The following GRID1 variants were observed in gnomAD, a reference collection of about 807,000 sequenced individuals.
The protein encoded by GRID1 is glutamate receptor ionotropic, delta-1.
Under a neutral mutation model 98.0 loss-of-function variants are expected in GRID1, and 28 were observed. That is an observed-to-expected ratio of 0.29 (90% CI 0.21 to 0.39). The LOEUF is 0.39. GRID1 is among the 10% of genes least tolerant of loss of function. The pLI, the probability that GRID1 is intolerant of heterozygous loss-of-function variation, is 1.00. For synonymous variants in GRID1, 553 were observed against 538.5 expected (o/e 1.03, Z -0.37); for missense variants, 1,111 against 1,340.5 (o/e 0.83, Z 2.67).
intron 4 of GRID1, among the ~76,000 whole-genome samples, chr10:85,992,186 A>C (rs1842688538): frequency 6.6e-6 from 1 of 152,080 alleles, no homozygotes; most frequent in Non-Finnish European, 1.5e-5. Context: ...GGTTGAAAGG[A>C]GAAGACAAAG....
Position 85,833,319 on chromosome 10 carries a change from G to A in GRID1, c.1233+21177C>T, listed in dbSNP as rs1407189667. On this transcript the variant is annotated intron_variant, in intron 8 of 15. Coordinates refer to ENST00000327946, the MANE Select transcript of GRID1 (RefSeq NM_017551.3). ...CATTCTTCAACTACAGAAACCAGGCGGCCCAGCCTGGAAAATCCCTGTCAT... is the reference window on the plus strand; with the variant it reads ...CATTCTTCAACTACAGAAACCAGGCAGCCCAGCCTGGAAAATCCCTGTCAT... Among the ~76,000 whole-genome samples, 9 of 152,140 alleles carry A rather than the reference G, an allele frequency of 5.9e-5. No individual in the cohort carries two copies. The South Asian group carries it at 6.2e-4, about 11-fold the overall frequency.
In GRID1 at chr10:86,158,345, T is replaced by G. The variant is rs180746999; in HGVS notation, c.521-19321A>C. ...TCCATTACAGGGCTATTGTGAGAAT[T>G]AAAGGCCAGGTATTTGTGGAGGTGC... On this transcript the variant is annotated intron_variant, in intron 3 of 15. Transcript: ENST00000327946. Among the ~76,000 whole-genome samples, 510 of 152,322 alleles carry G rather than the reference T, an allele frequency of 3.3e-3. 1 individual carries two copies. Among genetic ancestry groups the G allele is most frequent in the African/African-American group, 0.012 (485 of 41,566 alleles).
At chr10:86,263,314 G>A (rs1847047766) in intron 2 of GRID1, among the ~76,000 whole-genome samples, 1 of 152,270 alleles carries the variant, frequency 6.6e-6, no homozygotes, top group Non-Finnish European at 1.5e-5. Context: ...GCGCAACGTT[G>A]CCATTGTAAA....
At position 86,110,130 on chromosome 10, in the gene GRID1, G is replaced by A. The variant is rs553382740; in HGVS notation, c.726+28689C>T. Among the ~76,000 whole-genome samples, 23 of 152,070 alleles carry A rather than the reference G, an allele frequency of 1.5e-4. No individual in the cohort carries two copies. In the East Asian group the frequency reaches 1.9e-3, roughly 13 times the overall value. On this transcript the variant is annotated intron_variant, in intron 4 of 15. Transcript: ENST00000327946. ...TGGGATTACAGGCACGTGCCACCAC[G>A]CCTGGCTAATTTTTTATATTTTTAG...
chr10:86,296,662 C>T (rs925359162), intron 2 of GRID1, among the ~76,000 whole-genome samples: 1 of 152,082 alleles, frequency 6.6e-6, no homozygotes, highest in Non-Finnish European at 1.5e-5. Flanking sequence ...TCGCTCGAAC[C>T]CGAGAGACAG....
Position 86,343,092 on chromosome 10 carries a change from C to T in GRID1, c.235+20849G>A, listed in dbSNP as rs548498629. ...TCTCTGCTGATAGCACTCTCCATCA[C>T]TTGTGCTCTTAAAACCTTGTTTTGG... On this transcript the variant is annotated intron_variant, in intron 2 of 15. Transcript: ENST00000327946. Among the ~76,000 whole-genome samples the T allele has an allele frequency of 2.3e-4, 35 of 152,356 alleles. 1 individual carries two copies. The highest frequency in any genetic ancestry group is 1.8e-3 in the Admixed American group (28 of 15,308).
chr10:85,946,671 G>A (rs1276290242), intron 4 of GRID1, among the ~76,000 whole-genome samples: 1 of 152,182 alleles, frequency 6.6e-6, no homozygotes. Flanking sequence ...GGCCAGCCCC[G>A]GGGATTGCGG....
chr10:86,179,669 G>C (rs148112004), intron 3 of GRID1, among the ~76,000 whole-genome samples: 4 of 152,166 alleles, frequency 2.6e-5, no homozygotes, highest in Non-Finnish European at 5.9e-5. Flanking sequence ...GGGAACATCT[G>C]TACGAACCTC....
intron 4 of GRID1, among the ~76,000 whole-genome samples, chr10:86,102,518 T>C (rs977284018): frequency 6.6e-6 from 1 of 152,260 alleles, no homozygotes; most frequent in African/African-American, 2.4e-5. Context: ...AAACTGGGGC[T>C]GGTGTTCCAG....
At chr10:85,624,299 T>G (rs1361490800) in intron 13 of GRID1, among the ~76,000 whole-genome samples, 1 of 152,250 alleles carries the variant, frequency 6.6e-6, no homozygotes, top group Non-Finnish European at 1.5e-5. Context: ...GCCTGGCTAG[T>G]CCATTTATAA....
At chr10:86,088,426 G>C (rs1844096072) in intron 4 of GRID1, among the ~76,000 whole-genome samples, 1 of 152,202 alleles carries the variant, frequency 6.6e-6, no homozygotes, top group South Asian at 2.1e-4. Context: ...AATGTATTCT[G>C]TCATTAAACA....
intron 4 of GRID1, among the ~76,000 whole-genome samples, chr10:86,041,831 G>A (rs893854081): frequency 8.5e-5 from 13 of 152,060 alleles, no homozygotes; most frequent in African/African-American, 2.9e-4. Context: ...CTGCCTGCTG[G>A]AGCCCTGACA....
chr10:85,987,029 C>A (rs1842616119), intron 4 of GRID1, among the ~76,000 whole-genome samples: 1 of 151,970 alleles, frequency 6.6e-6, no homozygotes, highest in South Asian at 2.1e-4. Flanking sequence ...CCTGCCCCAC[C>A]CTAACCAGCT....
intron 2 of GRID1, among the ~76,000 whole-genome samples, chr10:86,258,545 C>G (rs1746805721): frequency 6.6e-6 from 1 of 152,114 alleles, no homozygotes; most frequent in African/African-American, 2.4e-5. Flanking sequence ...CATCTTTATT[C>G]CAAGACCCAG....
intron 3 of GRID1, among the ~76,000 whole-genome samples, chr10:86,147,297 C>T (rs933263408): frequency 6.6e-6 from 1 of 152,174 alleles, no homozygotes; most frequent in African/African-American, 2.4e-5. Context: ...TATCATTTTT[C>T]CAAAGATACG....
chr10:85,693,555 A>C (rs1841356895), intron 12 of GRID1, among the ~76,000 whole-genome samples: 1 of 152,146 alleles, frequency 6.6e-6, no homozygotes, highest in Non-Finnish European at 1.5e-5. Flanking sequence ...TATAGTAAAA[A>C]AAAACAGCAG....
At position 86,206,142 on chromosome 10, in the gene GRID1, G is replaced by A. The variant is rs956279570; in HGVS notation, c.520+222C>T. 2.0e-5 allele frequency among the ~76,000 whole-genome samples: 3 copies of A among 152,108 alleles called. No individual in the cohort carries two copies. The East Asian group carries it at 5.8e-4, about 29-fold the overall frequency. On this transcript the variant is annotated intron_variant, in intron 3 of 15. Transcript: ENST00000327946. This position sits in a 1 kb window ranked among gnomAD's most constrained non-coding sequence, Gnocchi z 4.1. ...CTCTAAGATGATTCAAACTTCAGCC[G>A]TCATGATAAGGTGTTGTTGCTAGGC...
chr10:85,932,811 C>T (rs985200798), intron 4 of GRID1, among the ~76,000 whole-genome samples: 2 of 152,144 alleles, frequency 1.3e-5, no homozygotes, highest in Non-Finnish European at 2.9e-5. Context: ...GACCAGGGCA[C>T]AGCAGGGATG....
chr10:86,189,796 G>A (rs1412058682), intron 3 of GRID1, among the ~76,000 whole-genome samples: 1 of 152,114 alleles, frequency 6.6e-6, no homozygotes, highest in African/African-American at 2.4e-5. Flanking sequence ...GTCCCCAGAC[G>A]CTGCCAAATG....
Sources: gnomAD v4.1 joint callset for allele counts (sites outside exome capture counted in the v4.1 genomes callset) on GRCh38, gnomAD v4.1.1 for gene constraint, Gnocchi (gnomAD v3.1) non-coding constraint, MANE v1.5 for transcripts, NCBI Gene and HGNC (gene_info 2026-07-23, HGNC 2026-07-21) for gene names.